SNHG17: variants seen among roughly 807,000 people sequenced by gnomAD.
SNHG17 encodes the protein small nucleolar RNA host gene 17, also known as small nucleolar RNA host gene 17 (non-protein coding).
At chr20:38,430,401 G>A (rs1048155163) in intron 3 of SNHG17, among the ~76,000 whole-genome samples, 10 of 152,054 alleles carry the variant, frequency 6.6e-5, no homozygotes, top group East Asian at 5.8e-4. Context: ...AGGCCAAGGC[G>A]GGTGGATTGC....
At chr20:38,422,258 A>AAC (rs1278682186) in intron 5 of SNHG17, 1 of 150,596 alleles carries the variant, frequency 6.6e-6, no homozygotes, top group Non-Finnish European at 1.5e-5. Context: ...GATGCAAAGA[A>AAC]ACATATTCCA....
chr20:38,434,142 A>T, intron 2 of SNHG17: 2 of 389,028 alleles, frequency 5.1e-6, no homozygotes, highest in East Asian at 1.3e-4. Context: ...CCCCACCCAG[A>T]GTCCACAGGA....
intron 2 of SNHG17, chr20:38,433,996 G>A (rs1160180544): frequency 1.9e-6 from 1 of 517,926 alleles, no homozygotes; most frequent in East Asian, 5.4e-5. Flanking sequence ...TTCGAATACA[G>A]GTGCAAAAAA....
exon 1 of SNHG17, chr20:38,435,286 G>GTGGCGTGCGA (rs1568868242): frequency 8.1e-7 from 1 of 1,231,642 alleles, no homozygotes; most frequent in African/African-American, 1.6e-5. Flanking sequence ...ATGGGGTGCG[G>GTGGCGTGCGA]TGGCGTGCGA....
At chr20:38,427,233 C>T in intron 3 of SNHG17, 1 of 384,578 alleles carries the variant, frequency 2.6e-6, no homozygotes, top group Non-Finnish European at 5.3e-6. Flanking sequence ...AGCATGATGC[C>T]CCCCCGCACT....
chr20:38,432,110 G>T, intron 2 of SNHG17: 2 of 985,442 alleles, frequency 2.0e-6, no homozygotes, highest in Non-Finnish European at 2.4e-6. Flanking sequence ...GAGCTATCTA[G>T]ACATCACCTG....
At chr20:38,429,295 A>G (rs549128228) in intron 3 of SNHG17, 1 of 159,268 alleles carries the variant, frequency 6.3e-6, no homozygotes, top group South Asian at 1.9e-4. Flanking sequence ...TTTGTCCCAC[A>G]CTGTCAGAAT....
intron 5 of SNHG17, among the ~76,000 whole-genome samples, chr20:38,425,546 G>A (rs185826677): frequency 1.3e-5 from 2 of 152,288 alleles, no homozygotes; most frequent in Non-Finnish European, 2.9e-5. Context: ...CCAGATTGCT[G>A]GCTCCAGATC....
At chr20:38,432,132 T>C in intron 2 of SNHG17, 2 of 985,386 alleles carry the variant, frequency 2.0e-6, no homozygotes, top group African/African-American at 1.7e-5. Flanking sequence ...TCAAACCCGT[T>C]CTGGAAAGGA....
intron 5 of SNHG17, among the ~76,000 whole-genome samples, chr20:38,423,897 G>A (rs566038773): frequency 8.8e-4 from 134 of 152,290 alleles, no homozygotes; most frequent in African/African-American, 3.1e-3. Flanking sequence ...GTTGGGTGTG[G>A]TGGCTCACGC....
At chr20:38,432,309 G>C (rs983006923) in intron 2 of SNHG17, 2 of 357,492 alleles carry the variant, frequency 5.6e-6, no homozygotes, top group African/African-American at 4.4e-5. Flanking sequence ...TTGAATTTGT[G>C]ATCCTGAAGC....
intron 5 of SNHG17, chr20:38,422,296 G>A (rs762509429): frequency 1.4e-4 from 21 of 152,420 alleles, no homozygotes; most frequent in African/African-American, 4.3e-4. Flanking sequence ...CCCACCTTGC[G>A]GACCCATGGT....
rs148455201 is a variant in SNHG17, at chr20:38,430,257, G to T, written n.380+784C>A. On this transcript the variant is annotated intron_variant and non_coding_transcript_variant, in intron 3 of 8. Coordinates refer to ENST00000654008, the Ensembl canonical transcript of SNHG17. ...AATCATTTGAACCCGGGAAGTGGAG[G>T]TTGCAGTGAGTCAGGATCACGCCAT... is the stretch of plus-strand genomic sequence containing the variant. 6.0e-4 allele frequency among the ~76,000 whole-genome samples: 92 copies of T among 152,100 alleles called. 2 individuals carry two copies. Among genetic ancestry groups the T allele is most frequent in the African/African-American group, 2.1e-3 (88 of 41,472 alleles).
chr20:38,421,486 C>T (rs1275642735), intron 6 of SNHG17: 1 of 152,176 alleles, frequency 6.6e-6, no homozygotes, highest in Non-Finnish European at 1.5e-5. Context: ...TTCATTCCAG[C>T]GTGGGGCCCA....
chr20:38,423,369 T>G (rs1194039884), intron 5 of SNHG17, among the ~76,000 whole-genome samples: 2 of 145,064 alleles, frequency 1.4e-5, no homozygotes, highest in Admixed American at 6.8e-5. Flanking sequence ...GCAACCTCTG[T>G]CTCCTGGGCT....
exon 5 of SNHG17, chr20:38,425,997 A>T (rs564296235): frequency 6.7e-6 from 1 of 148,990 alleles, no homozygotes; most frequent in East Asian, 2.0e-4. Context: ...TCGAGGCTGC[A>T]GTGAGCCATC....
intron 1 of SNHG17, chr20:38,434,894 A>T (rs1285936958): frequency 8.2e-6 from 10 of 1,216,924 alleles, no homozygotes; most frequent in Non-Finnish European, 7.1e-6. Flanking sequence ...GGGGGCGGGC[A>T]GCTAAAGTCG....
chr20:38,434,084 C>T (rs2084387698), intron 2 of SNHG17: 1 of 476,270 alleles, frequency 2.1e-6, no homozygotes, highest in Non-Finnish European at 4.2e-6. Context: ...GAGAAGGGTA[C>T]CCAGGACCCT....
intron 3 of SNHG17, among the ~76,000 whole-genome samples, chr20:38,430,545 C>T (rs892037022): frequency 6.6e-6 from 1 of 152,096 alleles, no homozygotes; most frequent in Admixed American, 6.6e-5. Flanking sequence ...TCACTTGAAC[C>T]CGGGAGGCAG....
Sources: allele counts gnomAD v4.1 joint callset (sites outside exome capture counted in the v4.1 genomes callset), GRCh38; gene constraint gnomAD v4.1.1; transcripts MANE v1.5; gene names NCBI Gene and HGNC (gene_info 2026-07-23, HGNC 2026-07-21).